The following CSMD1 variants were observed in gnomAD, a reference collection of about 807,000 sequenced individuals.
The protein encoded by CSMD1 is CUB and Sushi multiple domains 1, also known as CUB and sushi domain-containing protein 1.
CSMD1 carries 213 observed loss-of-function variants against 417.5 expected under a neutral mutation model. That is an observed-to-expected ratio of 0.51 (90% CI 0.46 to 0.57). The LOEUF (loss-of-function observed/expected upper bound fraction) is 0.57, where lower values mean the gene tolerates loss of function less well. Ranked by LOEUF, CSMD1 falls within the 20% of genes least tolerant of loss-of-function variation. CSMD1 has a pLI of 0.00. For missense variants in CSMD1, 6,923 were observed against 4,529.7 expected (o/e 1.53, Z -15.17); for synonymous variants, 2,862 against 1,736.8 (o/e 1.65, Z -16.11).
intron 1 of CSMD1, among the ~76,000 whole-genome samples, chr8:4,838,908 G>T (rs925216664): frequency 6.6e-6 from 1 of 152,246 alleles, no homozygotes; most frequent in African/African-American, 2.4e-5. Context: ...AAGCTCTAAA[G>T]GTTACATAAA....
intron 3 of CSMD1, among the ~76,000 whole-genome samples, chr8:4,038,576 G>C (rs371800603): frequency 2.0e-5 from 3 of 152,106 alleles, no homozygotes; most frequent in Admixed American, 6.5e-5. Flanking sequence ...GTCTCTTTGT[G>C]ACTCCCAGAA....
intron 2 of CSMD1, among the ~76,000 whole-genome samples, chr8:4,460,095 A>G (rs778142742): frequency 6.6e-6 from 1 of 152,182 alleles, no homozygotes; most frequent in Admixed American, 6.5e-5. Flanking sequence ...ATTCTCCACA[A>G]CAGAGCATAT....
chr8:2,939,851 C>G (rs998129024), intron 69 of CSMD1, among the ~76,000 whole-genome samples: 1 of 152,202 alleles, frequency 6.6e-6, no homozygotes, highest in Non-Finnish European at 1.5e-5. Context: ...TCCAGCCCCT[C>G]GTCAATGAAG....
chr8:3,253,576 G>A (rs1800430543), intron 26 of CSMD1, among the ~76,000 whole-genome samples: 1 of 152,114 alleles, frequency 6.6e-6, no homozygotes, highest in Admixed American at 6.6e-5. Flanking sequence ...TCAATTCCTG[G>A]ATATCCTTTT....
intron 5 of CSMD1, among the ~76,000 whole-genome samples, chr8:3,890,245 T>A (rs1806869732): frequency 6.6e-6 from 1 of 152,206 alleles, no homozygotes; most frequent in Non-Finnish European, 1.5e-5. Flanking sequence ...TTCTTGTTGT[T>A]CAAACTTGCA....
At chr8:4,153,604 T>C (rs1408339323) in intron 3 of CSMD1, among the ~76,000 whole-genome samples, 8 of 152,198 alleles carry the variant, frequency 5.3e-5, no homozygotes, top group African/African-American at 1.9e-4. Context: ...CCCTGAGATG[T>C]CCCTGCTCTG....
At chr8:3,021,083 A>T (rs1404497663) in intron 51 of CSMD1, among the ~76,000 whole-genome samples, 1 of 152,236 alleles carries the variant, frequency 6.6e-6, no homozygotes, top group Non-Finnish European at 1.5e-5. Flanking sequence ...GCCAGAAAAT[A>T]ACAATGAGGT....
At chr8:4,328,487 A>G (rs1342785644) in intron 3 of CSMD1, among the ~76,000 whole-genome samples, 3 of 152,076 alleles carry the variant, frequency 2.0e-5, no homozygotes, top group African/African-American at 7.2e-5. Context: ...ACTTACAAAA[A>G]TTAGAAATAC....
chr8:4,115,378 A>G (rs1348890911), intron 3 of CSMD1, among the ~76,000 whole-genome samples: 3 of 152,268 alleles, frequency 2.0e-5, no homozygotes, highest in Admixed American at 6.5e-5. Context: ...CTGTGTACAC[A>G]TAATTTTCAT....
Position 4,058,439 on chromosome 8 carries a change from G to A in CSMD1, c.416-26340C>T, listed in dbSNP as rs562900779. Among the ~76,000 whole-genome samples the A allele has an allele frequency of 7.9e-5, 12 of 152,224 alleles. No homozygotes were observed. The East Asian group carries it at 1.6e-3, about 20-fold the overall frequency. On this transcript the variant is annotated intron_variant, in intron 3 of 69. Coordinates refer to ENST00000635120, the MANE Select transcript of CSMD1 (RefSeq NM_033225.6). ...TCAGCTTAAGGAGATTTTCGGCTGGGACAATGGGGTTTTCCAGATACACAA... is the reference window on the plus strand; with the variant it reads ...TCAGCTTAAGGAGATTTTCGGCTGGAACAATGGGGTTTTCCAGATACACAA...
intron 1 of CSMD1, chr8:4,788,150 C>T (rs1193457827): frequency 3.1e-6 from 5 of 1,600,030 alleles, no homozygotes; most frequent in South Asian, 2.2e-5. Context: ...ATCTTGGTCA[C>T]TGTGAAAAAA....
intron 49 of CSMD1, among the ~76,000 whole-genome samples, chr8:3,060,309 C>G (rs767651217): frequency 9.9e-5 from 15 of 152,072 alleles, no homozygotes; most frequent in Admixed American, 2.0e-4. Flanking sequence ...CTGTGCCTAG[C>G]TAATTTTTGT....
At position 3,772,770 on chromosome 8, in the gene CSMD1, G is replaced by T. The variant is rs1239837119; in HGVS notation, c.819-18728C>A. 2.0e-5 allele frequency among the ~76,000 whole-genome samples: 3 copies of T among 150,350 alleles called. No individual in the cohort carries two copies. In the Admixed American group the frequency reaches 2.0e-4, roughly 10 times the overall value. On this transcript the variant is annotated intron_variant, in intron 5 of 69. Transcript: ENST00000635120. ...TTCATTCAGCAAATATTGAACGAAT[G>T]TCTGGTCTATAAAGCACCATGACAG...
In CSMD1 at chr8:3,513,083, T is replaced by A. The variant is rs143487915; in HGVS notation, c.1345-19357A>T. Among the ~76,000 whole-genome samples, 696 of 152,228 alleles carry A rather than the reference T, an allele frequency of 4.6e-3. 9 individuals are homozygous for A. The highest frequency in any genetic ancestry group is 0.016 in the African/African-American group (655 of 41,528). On this transcript the variant is annotated intron_variant, in intron 10 of 69. Transcript: ENST00000635120. ...ACGGATAGCTGTGTTTTCATGGTCA[T>A]TGTCTAGCCCTCCTTGGGGTGAATG...
At chr8:4,643,581 T>C (rs1429169931) in intron 1 of CSMD1, among the ~76,000 whole-genome samples, 1 of 152,162 alleles carries the variant, frequency 6.6e-6, no homozygotes, top group Non-Finnish European at 1.5e-5. Flanking sequence ...AGTGAATTTT[T>C]TTATTTAAGA....
At chr8:3,540,639 A>G (rs571406591) in intron 10 of CSMD1, among the ~76,000 whole-genome samples, 2 of 152,326 alleles carry the variant, frequency 1.3e-5, no homozygotes, top group East Asian at 1.9e-4. Flanking sequence ...TCCATCTGAC[A>G]AAGGGCTAAT....
At chr8:4,230,818 G>T (rs1427675034) in intron 3 of CSMD1, among the ~76,000 whole-genome samples, 3 of 152,030 alleles carry the variant, frequency 2.0e-5, no homozygotes, top group Non-Finnish European at 4.4e-5. Flanking sequence ...AGCTTTTGCA[G>T]TGTCACAATG....
chr8:4,165,746 C>A lies in CSMD1; in HGVS notation c.416-133647G>T, dbSNP rs534388666. ...CAAGTTTAATCACTAAGCATCTCAT[C>A]ATTTCTTCCTGGTCATGCCATGAGG... On this transcript the variant is annotated intron_variant, in intron 3 of 69. Transcript: ENST00000635120. Among the ~76,000 whole-genome samples the A allele has an allele frequency of 2.0e-5, 3 of 152,288 alleles. No homozygotes were observed. In the East Asian group the frequency reaches 5.8e-4, roughly 29 times the overall value.
At chr8:3,662,394 T>C (rs1054366443) in intron 7 of CSMD1, among the ~76,000 whole-genome samples, 2 of 152,194 alleles carry the variant, frequency 1.3e-5, no homozygotes, top group Non-Finnish European at 2.9e-5. Context: ...CTTAAATATA[T>C]GAATGTCAAG....
Sources: allele counts gnomAD v4.1 joint callset (sites outside exome capture counted in the v4.1 genomes callset), GRCh38; gene constraint gnomAD v4.1.1; transcripts MANE v1.5; gene names NCBI Gene and HGNC (gene_info 2026-07-23, HGNC 2026-07-21).